DNER: variants seen among roughly 807,000 people sequenced by gnomAD.
DNER encodes the protein delta and Notch-like epidermal growth factor-related receptor.
In DNER, 33 loss-of-function variants were observed where a neutral mutation model predicts 78.2. That is an observed-to-expected ratio of 0.42 (90% CI 0.32 to 0.56). The LOEUF is 0.56. DNER is among the 20% of genes least tolerant of loss of function. The pLI, the probability that DNER is intolerant of heterozygous loss-of-function variation, is 0.11. For missense variants in DNER, 918 were observed against 975.3 expected (o/e 0.94, Z 0.78); for synonymous variants, 417 against 384.8 (o/e 1.08, Z -0.98).
chr2:229,533,630 G>A (rs1489314222), intron 5 of DNER, among the ~76,000 whole-genome samples: 1 of 152,070 alleles, frequency 6.6e-6, no homozygotes, highest in Non-Finnish European at 1.5e-5. Context: ...AAGCACTACG[G>A]CTCCCTCAAG....
intron 1 of DNER, among the ~76,000 whole-genome samples, chr2:229,639,814 G>A (rs963354052): frequency 3.3e-5 from 5 of 152,182 alleles, no homozygotes; most frequent in African/African-American, 1.2e-4. Flanking sequence ...AGGATGCAGC[G>A]AAGAACCCAA....
At chr2:229,525,806 G>A (rs1696196914) in intron 5 of DNER, among the ~76,000 whole-genome samples, 1 of 152,022 alleles carries the variant, frequency 6.6e-6, no homozygotes, top group African/African-American at 2.4e-5. Context: ...TAGAGATGGG[G>A]GTTTCACCAT....
chr2:229,483,416 T>C (rs1695207331), intron 6 of DNER, among the ~76,000 whole-genome samples: 1 of 152,232 alleles, frequency 6.6e-6, no homozygotes, highest in African/African-American at 2.4e-5. Context: ...TGCCTATTGG[T>C]ATGCAAAGAA....
chr2:229,672,735 A>T (rs1258022688), intron 1 of DNER, among the ~76,000 whole-genome samples: 1 of 152,136 alleles, frequency 6.6e-6, no homozygotes. Flanking sequence ...CTCTGAAGTC[A>T]TGTCACAGCA....
Position 229,707,397 on chromosome 2 carries a change from G to A in DNER, c.276+6751C>T, listed in dbSNP as rs192168709. 1.1e-3 allele frequency among the ~76,000 whole-genome samples: 167 copies of A among 152,224 alleles called. 1 individual carries two copies. In the East Asian group the frequency reaches 0.016, roughly 14 times the overall value. On this transcript the variant is annotated intron_variant, in intron 1 of 12. Coordinates refer to ENST00000341772, the MANE Select transcript of DNER (RefSeq NM_139072.4). Reference sequence around the variant, plus strand: ...TATTAAAAGCTAGAGCTACTGCAAAGCATTTATTGAAAAATATTCTGCACT... The same window carrying A: ...TATTAAAAGCTAGAGCTACTGCAAAACATTTATTGAAAAATATTCTGCACT...
At chr2:229,437,728 T>C (rs1694152979) in intron 8 of DNER, among the ~76,000 whole-genome samples, 1 of 151,992 alleles carries the variant, frequency 6.6e-6, no homozygotes, top group African/African-American at 2.4e-5. Context: ...CAAAGCTATC[T>C]CAAAGTAGAG....
intron 10 of DNER, among the ~76,000 whole-genome samples, chr2:229,402,680 C>T (rs148430099): frequency 3.3e-5 from 5 of 152,154 alleles, no homozygotes; most frequent in East Asian, 3.8e-4. Context: ...TGTTGAAGTA[C>T]GGTTACCTTA....
chr2:229,571,091 G>T (rs906505004), intron 4 of DNER, among the ~76,000 whole-genome samples: 3 of 152,114 alleles, frequency 2.0e-5, no homozygotes, highest in African/African-American at 7.2e-5. Flanking sequence ...CAATAACCTA[G>T]GTAAGAGAGG....
At chr2:229,492,714 G>T (rs1695426963) in intron 6 of DNER, among the ~76,000 whole-genome samples, 1 of 152,108 alleles carries the variant, frequency 6.6e-6, no homozygotes, top group Admixed American at 6.6e-5. Context: ...TGTCACCCAG[G>T]TTGGAGTGCA....
chr2:229,450,002 G>C (rs1359371164), intron 7 of DNER, among the ~76,000 whole-genome samples: 4 of 152,140 alleles, frequency 2.6e-5, no homozygotes, highest in African/African-American at 9.7e-5. Context: ...GGCTGGTCTC[G>C]AACTCCTGAC....
intron 1 of DNER, among the ~76,000 whole-genome samples, chr2:229,640,270 G>A (rs1217067845): frequency 1.3e-5 from 2 of 152,226 alleles, no homozygotes; most frequent in Non-Finnish European, 2.9e-5. Flanking sequence ...TCTCAGCTCT[G>A]ATTTGCATGT....
intron 8 of DNER, among the ~76,000 whole-genome samples, chr2:229,435,460 T>G (rs1559351073): frequency 6.6e-6 from 1 of 152,246 alleles, no homozygotes; most frequent in African/African-American, 2.4e-5. Context: ...TTGGAATGTT[T>G]TGTTACACAG....
chr2:229,496,801 A>G (rs1248073120), intron 6 of DNER, among the ~76,000 whole-genome samples: 1 of 152,234 alleles, frequency 6.6e-6, no homozygotes, highest in Non-Finnish European at 1.5e-5. Flanking sequence ...CCCTACATAC[A>G]TAAGGCAAAT....
At chr2:229,626,214 C>T (rs1198857544) in intron 1 of DNER, among the ~76,000 whole-genome samples, 1 of 152,168 alleles carries the variant, frequency 6.6e-6, no homozygotes. Context: ...CCACCGTGCC[C>T]GGCCTACTAT....
chr2:229,477,059 GA>G, intron 7 of DNER, 80 bp downstream of exon 7: 1 of 1,159,782 alleles, frequency 8.6e-7, no homozygotes, highest in Non-Finnish European at 1.2e-6. Context: ...GAGTTTTGCA[GA>G]AACAAAGTAT....
intron 6 of DNER, among the ~76,000 whole-genome samples, chr2:229,494,758 C>A (rs10933302): frequency 0.12 from 19,001 of 152,242 alleles, 1,331 homozygotes; most frequent in South Asian, 0.2. Flanking sequence ...CTTTGGGGCC[C>A]TCTTTCCCTT....
intron 10 of DNER, among the ~76,000 whole-genome samples, chr2:229,395,638 C>T (rs1693120041): frequency 6.6e-6 from 1 of 152,158 alleles, no homozygotes; most frequent in East Asian, 1.9e-4. Context: ...GTGGCTCATG[C>T]CTGTAATCCC....
In DNER at chr2:229,592,559, G is replaced by A. The variant is rs114716201; in HGVS notation, c.277-671C>T. On this transcript the variant is annotated intron_variant, in intron 1 of 12. Transcript: ENST00000341772. ...AGAGAGAAATGTGACCCCTTCCCTC[G>A]CCAGATATGGAAGATGAGAACTCAG... Among the ~76,000 whole-genome samples the A allele has an allele frequency of 6.8e-3, 1,037 of 152,094 alleles. 14 individuals are homozygous for A. Among genetic ancestry groups the A allele is most frequent in the African/African-American group, 0.023 (967 of 41,514 alleles).
chr2:229,487,004 C>A (rs1269153744), intron 6 of DNER, among the ~76,000 whole-genome samples: 2 of 152,172 alleles, frequency 1.3e-5, no homozygotes, highest in East Asian at 3.8e-4. Context: ...AGCAAGCAAT[C>A]TTTTAACATC....
Sources: allele counts gnomAD v4.1 joint callset (sites outside exome capture counted in the v4.1 genomes callset), GRCh38; gene constraint gnomAD v4.1.1; transcripts MANE v1.5; gene names NCBI Gene and HGNC (gene_info 2026-07-23, HGNC 2026-07-21).